The following IST1 variants were observed in gnomAD, a reference collection of about 807,000 sequenced individuals.
IST1 encodes IST1 homolog.
A neutral mutation model predicts 37.0 loss-of-function variants in IST1; 23 were observed. The ratio of observed to expected loss-of-function variants is 0.62; its 90% CI spans 0.45 to 0.88. The LOEUF is 0.88. Among genes scored for constraint, IST1 ranks in the 40% least tolerant of loss-of-function variants. The pLI, the probability that IST1 is intolerant of heterozygous loss-of-function variation, is 0.00. For missense variants in IST1, 488 were observed against 445.4 expected (o/e 1.10, Z -0.86); for synonymous variants, 180 against 161.7 (o/e 1.11, Z -0.86).
At chr16:71,907,939 C>A (rs1023750024) in intron 1 of IST1, among the ~76,000 whole-genome samples, 1 of 151,982 alleles carries the variant, frequency 6.6e-6, no homozygotes, top group African/African-American at 2.4e-5. Context: ...GATTTGTCTC[C>A]TCTTTATGTC....
intron 9 of IST1, among the ~76,000 whole-genome samples, chr16:71,925,897 T>C (rs905588422): frequency 2.0e-5 from 3 of 152,110 alleles, no homozygotes; most frequent in African/African-American, 7.2e-5. Flanking sequence ...GTGATCATTG[T>C]ACTCCAGCCT....
rs930720083 is a variant in IST1 at position 71,929,184 on chromosome 16, G to C, written c.*1371G>C. ...CAGATAGCATCTGTGAATTTCCTTG[G>C]TCTTCCTCAGTGGCAGGGCTCCGCA... On this transcript the variant is annotated 3_prime_UTR_variant, in exon 10 of 10. Transcript: ENST00000378799. 43 of 187,496 alleles carry C rather than the reference G, an allele frequency of 2.3e-4. 1 individual carries two copies. The highest frequency in any genetic ancestry group is 9.2e-4 in the African/African-American group (39 of 42,268). The allele number at this position is 187,496 out of a possible 1,614,324, so 11.6% of individuals were successfully genotyped here.
In IST1 at chr16:71,924,751, A is replaced by T. The variant is rs754071077; in HGVS notation, c.853-18A>T. ...GACACTATTGCTGTCTCCTCTGGTA[A>T]CAATCTTTGTGTTTCAGGTAGATGA... On this transcript the variant is annotated intron_variant, in intron 8 of 9. Coordinates refer to ENST00000378799, the MANE Select transcript of IST1 (RefSeq NM_001270975.2). The T allele has an allele frequency of 8.1e-6, 13 of 1,595,728 alleles. No individual in the cohort carries two copies. The highest frequency in any genetic ancestry group is 1.1e-5 in the Non-Finnish European group (13 of 1,163,162).
upstream of IST1, chr16:71,895,391 C>A (rs2036941464): frequency 2.6e-6 from 1 of 381,696 alleles, no homozygotes; most frequent in Non-Finnish European, 3.6e-6. Flanking sequence ...CAAAGGAAAC[C>A]GAGGGAGGGT....
chr16:71,898,332 G>A (rs2037022243), intron 1 of IST1, among the ~76,000 whole-genome samples: 1 of 137,880 alleles, frequency 7.3e-6, no homozygotes, highest in Admixed American at 8.0e-5. Flanking sequence ...TGCCAAGATT[G>A]CACCACCTGC....
chr16:71,926,825 A>AC (rs1390623668), intron 9 of IST1, among the ~76,000 whole-genome samples: 1 of 152,126 alleles, frequency 6.6e-6, no homozygotes, highest in Non-Finnish European at 1.5e-5. Context: ...AAGGAAACAT[A>AC]CAGTAGATGT....
intron 9 of IST1, among the ~76,000 whole-genome samples, chr16:71,927,375 G>A (rs571487122): frequency 6.6e-6 from 1 of 151,900 alleles, no homozygotes; most frequent in South Asian, 2.1e-4. Flanking sequence ...TGTAATCCCA[G>A]CTACTCAGGA....
chr16:71,923,402 A>G lies in IST1; in HGVS notation c.852+22A>G, dbSNP rs370414064. On this transcript the variant is annotated intron_variant, in intron 8 of 9. Coordinates refer to ENST00000378799, the MANE Select transcript of IST1 (RefSeq NM_001270975.2). ...ATCTGTAAGTGCCTGAGCCTCTTTT[A>G]TAAGCAACAGGAGAGTGAATGCCAT... The G allele has an allele frequency of 4.1e-6, 6 of 1,464,086 alleles. No homozygotes were observed. The highest frequency in any genetic ancestry group is 1.1e-5 in the South Asian group (1 of 87,684). The allele number at this position is 1,464,086 out of a possible 1,614,324, so 90.7% of individuals were successfully genotyped here.
chr16:71,911,996 C>T (rs925060391), intron 1 of IST1, among the ~76,000 whole-genome samples: 1 of 152,128 alleles, frequency 6.6e-6, no homozygotes, highest in Non-Finnish European at 1.5e-5. Context: ...TGAGCCACTA[C>T]TCCCGGCCAA....
chr16:71,909,967 T>C (rs1348462958), intron 1 of IST1, among the ~76,000 whole-genome samples: 1 of 152,208 alleles, frequency 6.6e-6, no homozygotes, highest in South Asian at 2.1e-4. Flanking sequence ...ATAATGTTCC[T>C]TAGGTTAATG....
At chr16:71,905,129 G>A (rs1483999889) in intron 1 of IST1, among the ~76,000 whole-genome samples, 5 of 151,632 alleles carry the variant, frequency 3.3e-5, no homozygotes, top group South Asian at 2.1e-4. Flanking sequence ...TCTGCCTCCC[G>A]TGTTCAAGCA....
At chr16:71,922,750 A>C in intron 7 of IST1, 70 bp downstream of exon 7, 6 of 1,286,738 alleles carry the variant, frequency 4.7e-6, no homozygotes, top group Non-Finnish European at 6.6e-6. Flanking sequence ...CTGTGAACAC[A>C]CTCAGGAATC....
At chr16:71,913,582 C>T (rs998009876) in intron 1 of IST1, among the ~76,000 whole-genome samples, 2 of 152,170 alleles carry the variant, frequency 1.3e-5, no homozygotes, top group African/African-American at 4.8e-5. Flanking sequence ...CTCACCACAG[C>T]CTCTGCTTCT....
Position 71,927,744 on chromosome 16 carries a change from C to T in IST1, c.1032C>T (p.Thr344=), listed in dbSNP as rs778678642. ...CAACTGCATCTGCTGGTGCCAGCAC[C>T]TCAGCATCTGAAGACATTGACTTTG... is the stretch of plus-strand genomic sequence containing the variant. ...TLPTASAGAS[T]SASEDIDFDD... is the part of the protein sequence containing the mutation. Residue 344 remains threonine (T), a synonymous_variant, in exon 10 of 10, where the codon ACC becomes ACT. Transcript: ENST00000378799. 6.2e-7 allele frequency: 1 copy of T among 1,613,992 alleles called. No individual in the cohort carries two copies. The highest frequency in any genetic ancestry group is 1.1e-5 in the South Asian group (1 of 91,078).
chr16:71,899,996 C>CAAAA (rs71153680), intron 1 of IST1, among the ~76,000 whole-genome samples: 1 of 117,962 alleles, frequency 8.5e-6, no homozygotes, highest in Non-Finnish European at 1.7e-5. Flanking sequence ...GACTCTGTCT[C>CAAAA]AAAAAAAAAA....
Position 71,930,160 on chromosome 16 carries a change from C to G in IST1, c.*2347C>G, listed in dbSNP as rs781730555. ...CACTGGTGAGGATCAGAAAGGTGCC[C>G]AGGACTGGGTCTAAAGCGAAAACCT... On this transcript the variant is annotated 3_prime_UTR_variant, in exon 10 of 10. Coordinates refer to ENST00000378799, the MANE Select transcript of IST1 (RefSeq NM_001270975.2). 29 of 1,550,100 alleles carry G rather than the reference C, an allele frequency of 1.9e-5. No homozygotes were observed. Among genetic ancestry groups the G allele is most frequent in the Non-Finnish European group, 8.7e-7 (1 of 1,146,306 alleles).
chr16:71,907,569 G>A (rs996276120), intron 1 of IST1, among the ~76,000 whole-genome samples: 2 of 152,046 alleles, frequency 1.3e-5, no homozygotes, highest in Non-Finnish European at 2.9e-5. Context: ...GAGCCACTGC[G>A]CCTGGCCCCC....
intron 5 of IST1, 138 bp from the exon 6 acceptor site, chr16:71,921,205 A>G: frequency 3.2e-6 from 2 of 633,454 alleles, no homozygotes; most frequent in Non-Finnish European, 5.7e-6. Context: ...TGACTCTGAA[A>G]AAAATCATTT....
Position 71,922,740 on chromosome 16 carries a change from C to A in IST1, c.759+60C>A, listed in dbSNP as rs1264696100. 14 of 1,367,074 alleles carry A rather than the reference C, an allele frequency of 1.0e-5. No homozygotes were observed. The East Asian group carries it at 2.7e-4, about 27-fold the overall frequency. The allele number at this position is 1,367,074 out of a possible 1,614,324, so 84.7% of individuals were successfully genotyped here. A position where few individuals can be genotyped will look rare whatever the true frequency, so the allele number is the denominator to read the frequency against. The stretch of plus-strand genomic sequence containing the variant: ...AAATGTTATAGATAACAAGTTGGCT[C>A]TGTGAACACACTCAGGAATCATAGG... On this transcript the variant is annotated intron_variant, in intron 7 of 9. Transcript: ENST00000378799.
Sources: gnomAD v4.1 joint callset for allele counts (sites outside exome capture counted in the v4.1 genomes callset) on GRCh38, gnomAD v4.1.1 for gene constraint, MANE v1.5 for transcripts, NCBI Gene and HGNC (gene_info 2026-07-23, HGNC 2026-07-21) for gene names.